CXADR: variants seen among roughly 807,000 people sequenced by gnomAD.
CXADR encodes the protein coxsackievirus and adenovirus receptor.
CXADR carries 20 observed loss-of-function variants against 40.3 expected under a neutral mutation model. The ratio of observed to expected loss-of-function variants is 0.50; its 90% CI spans 0.35 to 0.72. The LOEUF is 0.72. Ranked by LOEUF, CXADR falls within the 30% of genes least tolerant of loss-of-function variation. The pLI, the probability that CXADR is intolerant of heterozygous loss-of-function variation, is 0.01. For missense variants in CXADR, 332 were observed against 449.1 expected, an observed-to-expected ratio of 0.74 and a Z score of 2.36; for synonymous variants, 150 against 161.3, an observed-to-expected ratio of 0.93 and a Z score of 0.53.
chr21:17,550,191 C>T (rs1280478383), intron 2 of CXADR, among the ~76,000 whole-genome samples: 1 of 151,980 alleles, frequency 6.6e-6, no homozygotes, highest in Non-Finnish European at 1.5e-5. Context: ...CCTGTCTCTA[C>T]TAAAAATACA....
the CXADR span, chr21:17,604,717 A>T: frequency 2.8e-6 from 3 of 1,057,822 alleles, no homozygotes; most frequent in Non-Finnish European, 2.6e-6. Context: ...CCTCCAGAAA[A>T]GTATTTCATA....
At chr21:17,517,920 C>A (rs1424442014) in intron 1 of CXADR, among the ~76,000 whole-genome samples, 1 of 152,102 alleles carries the variant, frequency 6.6e-6, no homozygotes, top group Non-Finnish European at 1.5e-5. Flanking sequence ...CTAAGGGAAC[C>A]ATACCAAAGA....
At position 17,569,856 on chromosome 21, in the gene CXADR, T is replaced by G; in HGVS notation, c.*4164T>G. The G allele has an allele frequency of 1.0e-6, 1 of 984,676 alleles. No homozygotes were observed. The highest frequency in any genetic ancestry group is 1.2e-6 in the Non-Finnish European group (1 of 829,240). 61.0% of individuals were successfully genotyped at this position (984,676 alleles called of 1,614,324 possible). A position where few individuals can be genotyped will look rare whatever the true frequency, so the allele number is the denominator to read the frequency against. ...AACCACAATTCATTGATTCACTTAT[T>G]CTTTTCCCTAATTGTGAATTTTAGT... On this transcript the variant is annotated 3_prime_UTR_variant, in exon 7 of 7. Coordinates refer to ENST00000284878, the MANE Select transcript of CXADR (RefSeq NM_001338.5).
intron 4 of CXADR, among the ~76,000 whole-genome samples, chr21:17,560,104 T>C (rs1309774497): frequency 6.6e-6 from 1 of 152,092 alleles, no homozygotes; most frequent in Non-Finnish European, 1.5e-5. Flanking sequence ...TGTCTGTAAA[T>C]TAAAAGAAAA....
chr21:17,611,051 G>A, the CXADR span, among the ~76,000 whole-genome samples: 3 of 152,272 alleles, frequency 2.0e-5, no homozygotes, highest in Admixed American at 6.5e-5. Context: ...AGCAGGCACC[G>A]GGCATGGGTC....
At chr21:17,603,757 T>C in the CXADR span, among the ~76,000 whole-genome samples, 1 of 152,190 alleles carries the variant, frequency 6.6e-6, no homozygotes, top group Non-Finnish European at 1.5e-5. Flanking sequence ...CCTTGTCACC[T>C]GGTCAACCAT....
At chr21:17,528,530 C>T (rs1046744746) in intron 1 of CXADR, among the ~76,000 whole-genome samples, 2 of 151,612 alleles carry the variant, frequency 1.3e-5, no homozygotes, top group Non-Finnish European at 2.9e-5. Flanking sequence ...CTCAGCCTCC[C>T]GAGTAGCTGG....
rs2060485913 is a variant in CXADR at position 17,518,260 on chromosome 21, C to T, written c.43+5088C>T. Among the ~76,000 whole-genome samples, 3 of 151,766 alleles carry T rather than the reference C, an allele frequency of 2.0e-5. No homozygotes were observed. In the South Asian group the frequency reaches 6.2e-4, roughly 31 times the overall value. ...TAAGCAAACATACACCAAAAATACC[C>T]CAAACCAAAAACAAAAAAACCAGGA... On this transcript the variant is annotated intron_variant, in intron 1 of 6. Coordinates refer to ENST00000284878, the MANE Select transcript of CXADR (RefSeq NM_001338.5).
At chr21:17,608,148 G>A in the CXADR span, among the ~76,000 whole-genome samples, 20 of 152,236 alleles carry the variant, frequency 1.3e-4, no homozygotes, top group African/African-American at 3.6e-4. Flanking sequence ...AGAAGATCGC[G>A]TGAGGCCAGG....
chr21:17,592,033 A>G (rs964224888), intron 7 of CXADR, among the ~76,000 whole-genome samples: 2 of 151,778 alleles, frequency 1.3e-5, no homozygotes, highest in Non-Finnish European at 2.9e-5. Flanking sequence ...AGAATCTTCT[A>G]TGAGTAATAA....
downstream of CXADR, chr21:17,594,377 A>G: frequency 6.4e-7 from 1 of 1,571,896 alleles, no homozygotes; most frequent in Non-Finnish European, 8.6e-7. Context: ...GGAAAAAATC[A>G]TCATCTATGT....
chr21:17,558,673 A>T (rs1325983368), intron 3 of CXADR, among the ~76,000 whole-genome samples: 1 of 151,980 alleles, frequency 6.6e-6, no homozygotes, highest in Non-Finnish European at 1.5e-5. Context: ...TGCTGAAAAA[A>T]GCAAGTGCAT....
the CXADR span, among the ~76,000 whole-genome samples, chr21:17,607,891 C>T: frequency 3.3e-5 from 5 of 152,292 alleles, no homozygotes. Flanking sequence ...GTGAGCATGC[C>T]AGGGCATGTT....
chr21:17,572,854 A>G (rs2061290143), downstream of CXADR, among the ~76,000 whole-genome samples: 1 of 152,190 alleles, frequency 6.6e-6, no homozygotes, highest in African/African-American at 2.4e-5. Context: ...AAAATACCGA[A>G]AACAATTTCT....
intron 1 of CXADR, among the ~76,000 whole-genome samples, chr21:17,521,117 A>T (rs540908604): frequency 1.3e-5 from 2 of 152,280 alleles, no homozygotes; most frequent in East Asian, 3.9e-4. Flanking sequence ...CGGGGGAAAC[A>T]TGAACTTCTA....
rs9637032 is a variant in CXADR at position 17,553,652 on chromosome 21, C to T, written c.415+1699C>T. Among the ~76,000 whole-genome samples the T allele has an allele frequency of 1.5e-3, 217 of 146,736 alleles. 6 individuals are homozygous for T. The East Asian group carries it at 0.038, about 25-fold the overall frequency. On this transcript the variant is annotated intron_variant, in intron 3 of 6. Transcript: ENST00000284878. Reference sequence around the variant, plus strand: ...TTTTTTTCTTTTTGAGACCAAGTCTCGCTCTGTCACCCAGGCTGGAGTGCA... The same window carrying T: ...TTTTTTTCTTTTTGAGACCAAGTCTTGCTCTGTCACCCAGGCTGGAGTGCA...
chr21:17,598,132 C>A (rs568555739), downstream of CXADR, among the ~76,000 whole-genome samples: 1 of 152,164 alleles, frequency 6.6e-6, no homozygotes, highest in Admixed American at 6.5e-5. Flanking sequence ...AGTGCAGGCA[C>A]ACTAGCTATA....
intron 1 of CXADR, among the ~76,000 whole-genome samples, chr21:17,535,024 C>A (rs908661121): frequency 6.6e-6 from 1 of 152,038 alleles, no homozygotes; most frequent in African/African-American, 2.4e-5. Context: ...TCAGGTGATC[C>A]GCCTGCCTTG....
intron 6 of CXADR, among the ~76,000 whole-genome samples, chr21:17,563,534 C>G (rs2061153468): frequency 1.3e-5 from 2 of 152,070 alleles, no homozygotes; most frequent in Non-Finnish European, 2.9e-5. Context: ...ATAGTAACAT[C>G]AAAGATCACT....
Sources: allele counts gnomAD v4.1 joint callset (sites outside exome capture counted in the v4.1 genomes callset), GRCh38; gene constraint gnomAD v4.1.1; transcripts MANE v1.5; gene names NCBI Gene and HGNC (gene_info 2026-07-23, HGNC 2026-07-21).